SIX4: variants seen among roughly 807,000 people sequenced by gnomAD.
The protein encoded by SIX4 is SIX homeobox 4.
Under a neutral mutation model 51.5 loss-of-function variants are expected in SIX4, and 23 were observed. That is an observed-to-expected ratio of 0.45 (90% CI 0.32 to 0.63). SIX4 has a LOEUF of 0.63. SIX4 is among the 30% of genes least tolerant of loss of function. The pLI is 0.04. For synonymous variants in SIX4, 413 were observed against 417.3 expected (o/e 0.99, Z 0.13); for missense variants, 867 against 984.0 (o/e 0.88, Z 1.59).
chr14:60,724,115 C>CTCTTTTCCTCTT lies in SIX4; in HGVS notation c.-53_-42dup. 6.3e-7 allele frequency: 1 copy of CTCTTTTCCTCTT among 1,595,732 alleles called. No homozygotes were observed. Among genetic ancestry groups the CTCTTTTCCTCTT allele is most frequent in the Non-Finnish European group, 8.5e-7 (1 of 1,169,832 alleles). On this transcript the variant is annotated 5_prime_UTR_variant, in exon 1 of 3. Transcript: ENST00000216513. ...TTCCTCCCTCCCTCACTCCCTCGCA[C>CTCTTTTCCTCTT]TCTTTTCCTCTTTCTTTCCTCCTCT...
chr14:60,714,167 C>G lies in SIX4; in HGVS notation c.1586G>C (p.Ser529Thr). The change falls in exon 3 of 3, where the codon AGC (serine) becomes ACC (threonine). Residue 529 changes from serine (S) to threonine (T), a missense_variant. Transcript: ENST00000216513. ...ISVSSSTSDG[S>T]TFTSESTTVQ... is the part of the protein sequence containing the mutation. The stretch of plus-strand genomic sequence containing the variant: ...TGTGGTAGACTCACTTGTAAATGTG[C>G]TTCCATCTGAAGTGCTTGAGCTTAC... The G allele has an allele frequency of 6.2e-7, 1 of 1,607,416 alleles. No homozygotes were observed. The highest frequency in any genetic ancestry group is 8.5e-7 in the Non-Finnish European group (1 of 1,178,696).
chr14:60,709,592 T>C lies in SIX4; in HGVS notation c.*3815A>G, dbSNP rs1895787593. On this transcript the variant is annotated 3_prime_UTR_variant, in exon 3 of 3. Coordinates refer to ENST00000216513, the MANE Select transcript of SIX4 (RefSeq NM_017420.5). The surrounding 1 kb of genome is among the most constrained non-coding windows in gnomAD (Gnocchi z 4.1). ...TAGTGTTTAGAAAAATAAGTTCACATCATTTCAGAAAACAAATAAAACACT... is the reference window on the plus strand; with the variant it reads ...TAGTGTTTAGAAAAATAAGTTCACACCATTTCAGAAAACAAATAAAACACT... 6.6e-6 allele frequency: 1 copy of C among 152,640 alleles called. No individual in the cohort carries two copies. Among genetic ancestry groups the C allele is most frequent in the Non-Finnish European group, 1.5e-5 (1 of 68,032 alleles). 9.5% of individuals were successfully genotyped at this position (152,640 alleles called of 1,614,324 possible).
At chr14:60,718,006 C>G in intron 2 of SIX4, 1 of 234,376 alleles carries the variant, frequency 4.3e-6, no homozygotes, top group South Asian at 5.3e-5. Context: ...AATGAGTCTC[C>G]GCCTAAAAAT....
rs1039404686 is a variant in SIX4, at chr14:60,722,998, G to C, written c.863+214C>G. 2.0e-6 allele frequency: 2 copies of C among 1,016,556 alleles called. No individual in the cohort carries two copies. Among genetic ancestry groups the C allele is most frequent in the East Asian group, 2.9e-5 (1 of 33,986 alleles). The allele number at this position is 1,016,556 out of a possible 1,614,324, so 63.0% of individuals were successfully genotyped here. On this transcript the variant is annotated intron_variant, in intron 1 of 2. Coordinates refer to ENST00000216513, the MANE Select transcript of SIX4 (RefSeq NM_017420.5). This position sits in a 1 kb window ranked among gnomAD's most constrained non-coding sequence, Gnocchi z 5.9. ...GCGACCAGAAACTTCTGGGGGGAGA[G>C]GGGGAGGGTAAGGAGGGAGGTTCCC...
rs1210952390 is a variant in SIX4 at position 60,723,704 on chromosome 14, C to T, written c.371G>A (p.Gly124Asp). 3 of 1,558,130 alleles carry T rather than the reference C, an allele frequency of 1.9e-6. No homozygotes were observed. The highest frequency in any genetic ancestry group is 2.7e-5 in the African/African-American group (2 of 73,512). The change falls in exon 1 of 3, where the codon GGC (glycine) becomes GAC (aspartate). Residue 124 changes from glycine to aspartate, a missense_variant. Physicochemically the swap from Gly to Asp is moderately conservative, Grantham distance 94 (BLOSUM62 -1). Transcript: ENST00000216513. ...ACVCEALQQG[G>D]NLDRLARFLW... ...GAACCGGGCCAGGCGGTCCAGGTTG[C>T]CCCCCTGCTGCAGTGCCTCGCACAC...
chr14:60,720,450 A>G lies in SIX4; in HGVS notation c.864-5T>C, dbSNP rs1456232655. The G allele has an allele frequency of 1.9e-6, 3 of 1,605,660 alleles. No individual in the cohort carries two copies. Among genetic ancestry groups the G allele is most frequent in the Non-Finnish European group, 1.7e-6 (2 of 1,176,184 alleles). On this transcript the variant is annotated splice_region_variant and splice_polypyrimidine_tract_variant and intron_variant, in intron 1 of 2. Coordinates refer to ENST00000216513, the MANE Select transcript of SIX4 (RefSeq NM_017420.5). The surrounding 1 kb of genome is among the most constrained non-coding windows in gnomAD (Gnocchi z 5.5). Reference sequence around the variant, plus strand: ...CTGGGGTTGCCATCTGACTCACTGTATGGAGGGGGAAATCAAAATGTTCAG... The same window carrying G: ...CTGGGGTTGCCATCTGACTCACTGTGTGGAGGGGGAAATCAAAATGTTCAG...
At position 60,723,586 on chromosome 14, in the gene SIX4, G is replaced by C. The variant is rs1264187569; in HGVS notation, c.489C>G (p.Pro163=). 1.2e-6 allele frequency: 2 copies of C among 1,611,080 alleles called. No individual in the cohort carries two copies. The highest frequency in any genetic ancestry group is 1.7e-5 in the Admixed American group (1 of 59,834). Reference sequence around the variant, plus strand: ...GGCTCTCGAGGATGCTGTAGAGCTCGGGGTAGATGCCCTGGTGGAAGGCCA... The same window carrying C: ...GGCTCTCGAGGATGCTGTAGAGCTCCGGGTAGATGCCCTGGTGGAAGGCCA... ...ALVAFHQGIY[P]ELYSILESHS... is the part of the protein sequence containing the mutation. Residue 163 remains proline, a synonymous_variant, in exon 1 of 3, where the codon CCC becomes CCG. Transcript: ENST00000216513.
In SIX4 at chr14:60,713,374, TG is replaced by T; in HGVS notation, c.*32del. 6.5e-7 allele frequency: 1 copy of T among 1,545,346 alleles called. No individual in the cohort carries two copies. The highest frequency in any genetic ancestry group is 8.7e-7 in the Non-Finnish European group (1 of 1,150,196). On this transcript the variant is annotated 3_prime_UTR_variant, in exon 3 of 3. Transcript: ENST00000216513. Reference sequence around the variant, plus strand: ...GGGGCTTCATGAAAAGATTTGCCGCTGATGCCAAAAAGAGGTGAGGAGGAAA... The same window carrying T: ...GGGGCTTCATGAAAAGATTTGCCGCTATGCCAAAAAGAGGTGAGGAGGAAA...
intron 1 of SIX4, 26 bp downstream of exon 1, chr14:60,723,186 G>A (rs1323828092): frequency 2.5e-6 from 4 of 1,575,078 alleles, no homozygotes; most frequent in Non-Finnish European, 1.7e-6. Flanking sequence ...AGAGGAAGGG[G>A]GAGGAGGAGG....
At position 60,724,318 on chromosome 14, in the gene SIX4, A is replaced by G; in HGVS notation, c.-244T>C. On this transcript the variant is annotated 5_prime_UTR_variant, in exon 1 of 3. Transcript: ENST00000216513. ...ATAGCTGCTTTCTGCCGTTCCCCCA[A>G]CGTGACTCCTCCGGTTGCTGCATAC... is the stretch of plus-strand genomic sequence containing the variant. 3.4e-6 allele frequency: 5 copies of G among 1,450,608 alleles called. No individual in the cohort carries two copies. Among genetic ancestry groups the G allele is most frequent in the Non-Finnish European group, 2.7e-6 (3 of 1,092,712 alleles). 89.9% of individuals were successfully genotyped at this position (1,450,608 alleles called of 1,614,324 possible). A position where few individuals can be genotyped will look rare whatever the true frequency, so the allele number is the denominator to read the frequency against.
rs1895849558 is a variant in SIX4, at chr14:60,712,937, T to C, written c.*470A>G. 1 of 154,292 alleles carries C rather than the reference T, an allele frequency of 6.5e-6. No homozygotes were observed. Among genetic ancestry groups the C allele is most frequent in the South Asian group, 2.0e-4 (1 of 4,900 alleles). 9.6% of individuals were successfully genotyped at this position (154,292 alleles called of 1,614,324 possible). ...AGGTGTGTGTGCATATATATATGCA[T>C]GCTACTTAACTTTAAAAATATGTAC... On this transcript the variant is annotated 3_prime_UTR_variant, in exon 3 of 3. Coordinates refer to ENST00000216513, the MANE Select transcript of SIX4 (RefSeq NM_017420.5).
In SIX4 at chr14:60,722,442, G is replaced by A. The variant is rs139288300; in HGVS notation, c.863+770C>T. 0.014 allele frequency among the ~76,000 whole-genome samples: 2,190 copies of A among 152,198 alleles called. 46 individuals carry two copies. The highest frequency in any genetic ancestry group is 0.051 in the African/African-American group (2,099 of 41,492). ...AGCCAAGCAGCGTTCGGGGGCCGAG[G>A]GAGGAAGCAGCCCTTCAGCCCTGCT... On this transcript the variant is annotated intron_variant, in intron 1 of 2. Coordinates refer to ENST00000216513, the MANE Select transcript of SIX4 (RefSeq NM_017420.5). This position sits in a 1 kb window ranked among gnomAD's most constrained non-coding sequence, Gnocchi z 5.9.
At position 60,722,297 on chromosome 14, in the gene SIX4, G is replaced by T. The variant is rs926016545; in HGVS notation, c.863+915C>A. Reference sequence around the variant, plus strand: ...AATCCGGTATTTTTTTTACCAGAGGGGGAAAGCAGTCTGCCAGGCAAAAAG... The same window carrying T: ...AATCCGGTATTTTTTTTACCAGAGGTGGAAAGCAGTCTGCCAGGCAAAAAG... On this transcript the variant is annotated intron_variant, in intron 1 of 2. Transcript: ENST00000216513. The surrounding 1 kb of genome is among the most constrained non-coding windows in gnomAD (Gnocchi z 5.9). 6.6e-6 allele frequency among the ~76,000 whole-genome samples: 1 copy of T among 152,150 alleles called. No individual in the cohort carries two copies. Among genetic ancestry groups the T allele is most frequent in the South Asian group, 2.1e-4 (1 of 4,818 alleles).
In SIX4 at chr14:60,713,817, G is replaced by T. The variant is rs368341336; in HGVS notation, c.1936C>A (p.Pro646Thr). Reference protein sequence around the residue: ...DIADSQPMSAPVASKSTVTSV... With the variant: ...DIADSQPMSATVASKSTVTSV... ...GTCACAGTAGATTTGCTTGCCACCG[G>T]TGCAGACATTGGTTGGCTATCGGCA... Residue 646 changes from proline (P) to threonine (T), a missense_variant, in exon 3 of 3, where the codon CCG becomes ACG. Physicochemically the swap from Pro to Thr is conservative, Grantham distance 38. Transcript: ENST00000216513. The T allele has an allele frequency of 3.5e-5, 56 of 1,614,158 alleles. No homozygotes were observed. In the African/African-American group the frequency reaches 6.3e-4, roughly 18 times the overall value.
chr14:60,722,919 A>C lies in SIX4; in HGVS notation c.863+293T>G. Reference sequence around the variant, plus strand: ...TCAAAGCCAGCGGGATGGGGGTGGGAAGCTGGGCAGCAGTGACCAGCCGAG... The same window carrying C: ...TCAAAGCCAGCGGGATGGGGGTGGGCAGCTGGGCAGCAGTGACCAGCCGAG... On this transcript the variant is annotated intron_variant, in intron 1 of 2. Transcript: ENST00000216513. The surrounding 1 kb of genome is among the most constrained non-coding windows in gnomAD (Gnocchi z 5.9). 5.2e-6 allele frequency: 2 copies of C among 384,224 alleles called. No homozygotes were observed. Among genetic ancestry groups the C allele is most frequent in the Non-Finnish European group, 4.6e-6 (1 of 218,350 alleles). The allele number at this position is 384,224 out of a possible 1,614,324, so 23.8% of individuals were successfully genotyped here. A position where few individuals can be genotyped will look rare whatever the true frequency, so the allele number is the denominator to read the frequency against.
chr14:60,714,811 A>G (rs529087272), intron 2 of SIX4, among the ~76,000 whole-genome samples: 1 of 151,742 alleles, frequency 6.6e-6, no homozygotes, highest in Non-Finnish European at 1.5e-5. Context: ...GACTATAGGC[A>G]TGCGCCACCA....
chr14:60,717,013 C>A lies in SIX4; in HGVS notation c.1549+2747G>T. The A allele has an allele frequency of 1.2e-5, 3 of 253,208 alleles. No individual in the cohort carries two copies. Among genetic ancestry groups the A allele is most frequent in the Non-Finnish European group, 2.3e-5 (3 of 131,280 alleles). 15.7% of individuals were successfully genotyped at this position (253,208 alleles called of 1,614,324 possible). A position where few individuals can be genotyped will look rare whatever the true frequency, so the allele number is the denominator to read the frequency against. ...TCAGACCACACATATGAAAAAACTG[C>A]TTTTATTTGAAAACACTGCCTTCAA... On this transcript the variant is annotated intron_variant, in intron 2 of 2. Coordinates refer to ENST00000216513, the MANE Select transcript of SIX4 (RefSeq NM_017420.5). This position sits in a 1 kb window ranked among gnomAD's most constrained non-coding sequence, Gnocchi z 4.6.
rs1441757495 is a variant in SIX4 at position 60,711,615 on chromosome 14, C to T, written c.*1792G>A. The T allele has an allele frequency of 6.6e-6, 1 of 152,104 alleles. No individual in the cohort carries two copies. Among genetic ancestry groups the T allele is most frequent in the African/African-American group, 2.4e-5 (1 of 41,400 alleles). The allele number at this position is 152,104 out of a possible 1,614,324, so 9.4% of individuals were successfully genotyped here. A position where few individuals can be genotyped will look rare whatever the true frequency, so the allele number is the denominator to read the frequency against. ...CCTGGCTAACACGGTGAAACCCCGT[C>T]TCTACTAAAAATACAAAAATTTAGC... On this transcript the variant is annotated 3_prime_UTR_variant, in exon 3 of 3. Transcript: ENST00000216513.
intron 1 of SIX4, among the ~76,000 whole-genome samples, chr14:60,721,907 T>G (rs1896027403): frequency 6.6e-6 from 1 of 152,232 alleles, no homozygotes; most frequent in South Asian, 2.1e-4. Flanking sequence ...GTGCACCTTT[T>G]GTTTTGGTTA....
Sources: gnomAD v4.1 joint callset for allele counts (sites outside exome capture counted in the v4.1 genomes callset) on GRCh38, gnomAD v4.1.1 for gene constraint, Gnocchi (gnomAD v3.1) non-coding constraint, MANE v1.5 for transcripts, NCBI Gene and HGNC (gene_info 2026-07-23, HGNC 2026-07-21) for gene names.